Variants in FHIP1A observed in about 807,000 individuals in gnomAD.
The protein encoded by FHIP1A is FHF complex subunit HOOK interacting protein 1A.
In FHIP1A, 61 loss-of-function variants were observed where a neutral mutation model predicts 88.6. The observed-to-expected ratio is 0.69, with a 90% CI of 0.56 to 0.85. The LOEUF (loss-of-function observed/expected upper bound fraction) is 0.85, where lower values mean the gene tolerates loss of function less well. FHIP1A is among the 40% of genes least tolerant of loss of function. The probability of loss-of-function intolerance (pLI) is 0.00; values close to 1 mark genes in which losing one functional copy is unlikely to be tolerated. For synonymous variants in FHIP1A, 478 were observed against 496.0 expected (o/e 0.96, Z 0.48); for missense variants, 1,154 against 1,273.5 (o/e 0.91, Z 1.43).
intron 3 of FHIP1A, among the ~76,000 whole-genome samples, chr4:151,530,442 T>C (rs1169954065): frequency 6.6e-6 from 1 of 152,120 alleles, no homozygotes; most frequent in African/African-American, 2.4e-5. Context: ...TTAGGTACCT[T>C]CCTGATGAAT....
rs1180261977 is a variant in FHIP1A at position 151,668,440 on chromosome 4, A to G, written c.*5686A>G. 2.0e-5 allele frequency among the ~76,000 whole-genome samples: 3 copies of G among 152,212 alleles called. No individual in the cohort carries two copies. Among genetic ancestry groups the G allele is most frequent in the South Asian group, 4.1e-4 (2 of 4,824 alleles). ...GGCCATCTTAGTAATTATTTTAGCA[A>G]TAATTACTAAAATGTACATGGGGTG... On this transcript the variant is annotated 3_prime_UTR_variant, in exon 14 of 14. Coordinates refer to ENST00000435205, the MANE Select transcript of FHIP1A (RefSeq NM_001109977.3).
At position 151,430,504 on chromosome 4, in the gene FHIP1A, A is replaced by G. The variant is rs78791448; in HGVS notation, c.-356+21039A>G. Among the ~76,000 whole-genome samples the G allele has an allele frequency of 6.6e-5, 10 of 152,284 alleles. No homozygotes were observed. In the East Asian group the frequency reaches 1.9e-3, roughly 29 times the overall value. On this transcript the variant is annotated intron_variant, in intron 1 of 13. Coordinates refer to ENST00000435205, the MANE Select transcript of FHIP1A (RefSeq NM_001109977.3). Reference sequence around the variant, plus strand: ...GCTGCCAGCACTTATCCTTTTTTGTACTAGGTACTGCCCTTTTACTTTCTG... The same window carrying G: ...GCTGCCAGCACTTATCCTTTTTTGTGCTAGGTACTGCCCTTTTACTTTCTG...
chr4:151,494,047 G>C (rs1246694153), intron 3 of FHIP1A, among the ~76,000 whole-genome samples: 1 of 152,194 alleles, frequency 6.6e-6, no homozygotes, highest in Non-Finnish European at 1.5e-5. Context: ...CCTGTTTACT[G>C]ATGACAGAAT....
intron 3 of FHIP1A, among the ~76,000 whole-genome samples, chr4:151,539,597 G>A (rs1367573025): frequency 6.8e-6 from 1 of 147,616 alleles, no homozygotes; most frequent in Non-Finnish European, 1.5e-5. Flanking sequence ...TACAGTGGAC[G>A]TTCTCTTAAC....
rs142746206 is a variant in FHIP1A at position 151,664,890 on chromosome 4, G to A, written c.*2136G>A. ...ATATTTCTGCATTGTAGAATACCAT[G>A]GTCCCCTTTGTGGAAAGTTTCCTTT... is the stretch of plus-strand genomic sequence containing the variant. On this transcript the variant is annotated 3_prime_UTR_variant, in exon 14 of 14. Transcript: ENST00000435205. Among the ~76,000 whole-genome samples, 149 of 151,962 alleles carry A rather than the reference G, an allele frequency of 9.8e-4. No homozygotes were observed. The highest frequency in any genetic ancestry group is 3.1e-3 in the African/African-American group (128 of 41,434).
chr4:151,613,035 C>T (rs1735384859), intron 7 of FHIP1A, among the ~76,000 whole-genome samples: 1 of 152,192 alleles, frequency 6.6e-6, no homozygotes, highest in Non-Finnish European at 1.5e-5. Context: ...AAGGCATGAG[C>T]ATGGGTATTT....
At chr4:151,435,043 A>G (rs1285471435) in intron 1 of FHIP1A, among the ~76,000 whole-genome samples, 1 of 152,186 alleles carries the variant, frequency 6.6e-6, no homozygotes, top group Non-Finnish European at 1.5e-5. Flanking sequence ...TGCATACAAT[A>G]TATAATGATT....
intron 11 of FHIP1A, among the ~76,000 whole-genome samples, chr4:151,652,278 T>A (rs1401068784): frequency 6.6e-6 from 1 of 152,260 alleles, no homozygotes; most frequent in Non-Finnish European, 1.5e-5. Context: ...CAGGTAATTG[T>A]CACTAAAACC....
At chr4:151,518,735 C>T (rs749703032) in intron 3 of FHIP1A, among the ~76,000 whole-genome samples, 27 of 147,436 alleles carry the variant, frequency 1.8e-4, no homozygotes, top group Admixed American at 2.1e-4. Flanking sequence ...TCATGGCTCA[C>T]TGCCACCTTG....
chr4:151,629,618 TG>T, intron 7 of FHIP1A, 83 bp from the exon 8 acceptor site: 1 of 1,224,900 alleles, frequency 8.2e-7, no homozygotes, highest in Non-Finnish European at 1.1e-6. Context: ...GATGTCACTG[TG>T]GTGAGGCTGG....
intron 1 of FHIP1A, among the ~76,000 whole-genome samples, chr4:151,439,102 G>T (rs1263425177): frequency 6.6e-6 from 1 of 152,000 alleles, no homozygotes; most frequent in African/African-American, 2.4e-5. Flanking sequence ...AAGCTTAAAC[G>T]GTTGCGTTTT....
At chr4:151,615,014 C>G (rs1735466385) in intron 7 of FHIP1A, among the ~76,000 whole-genome samples, 1 of 152,108 alleles carries the variant, frequency 6.6e-6, no homozygotes, top group Non-Finnish European at 1.5e-5. Flanking sequence ...AAGTCCTGAT[C>G]TGTCACTGGG....
chr4:151,481,738 G>A (rs1174046153), intron 2 of FHIP1A, among the ~76,000 whole-genome samples: 2 of 152,058 alleles, frequency 1.3e-5, no homozygotes, highest in Non-Finnish European at 2.9e-5. Flanking sequence ...CACTTATTGT[G>A]ATATCAAATA....
At chr4:151,438,605 C>CTTTTTTTT (rs200467402) in intron 1 of FHIP1A, among the ~76,000 whole-genome samples, 1 of 132,462 alleles carries the variant, frequency 7.5e-6, no homozygotes, top group Non-Finnish European at 1.6e-5. Context: ...CGGTTTTTGC[C>CTTTTTTTT]TTTTTTTTTT....
At chr4:151,501,262 C>T (rs1178643230) in intron 3 of FHIP1A, among the ~76,000 whole-genome samples, 1 of 152,156 alleles carries the variant, frequency 6.6e-6, no homozygotes, top group Admixed American at 6.5e-5. Context: ...TACCTGTCTT[C>T]AGTTCTTTCA....
intron 3 of FHIP1A, among the ~76,000 whole-genome samples, chr4:151,504,117 T>C (rs1355744657): frequency 6.6e-6 from 1 of 152,234 alleles, no homozygotes; most frequent in Non-Finnish European, 1.5e-5. Context: ...CTATTCCCTT[T>C]AGTCTGGTGA....
chr4:151,595,872 G>C (rs1460987193), intron 7 of FHIP1A, among the ~76,000 whole-genome samples: 1 of 152,044 alleles, frequency 6.6e-6, no homozygotes, highest in East Asian at 1.9e-4. Context: ...CTTTCCATTT[G>C]CTTGGTAAAT....
At chr4:151,443,499 G>A (rs1441510620) in intron 1 of FHIP1A, among the ~76,000 whole-genome samples, 1 of 151,946 alleles carries the variant, frequency 6.6e-6, no homozygotes, top group African/African-American at 2.4e-5. Context: ...TTCGCTTTCA[G>A]GGTCAGTTTT....
At chr4:151,488,765 C>T (rs1225997073) in intron 3 of FHIP1A, among the ~76,000 whole-genome samples, 1 of 152,210 alleles carries the variant, frequency 6.6e-6, no homozygotes, top group African/African-American at 2.4e-5. Context: ...CCGTGAGCTG[C>T]ATCTTATTTA....
Sources: allele counts gnomAD v4.1 joint callset (sites outside exome capture counted in the v4.1 genomes callset), GRCh38; gene constraint gnomAD v4.1.1; transcripts MANE v1.5; gene names NCBI Gene and HGNC (gene_info 2026-07-23, HGNC 2026-07-21).